PACRG: variants seen among roughly 807,000 people sequenced by gnomAD.
PACRG encodes parkin coregulated gene protein.
PACRG carries 29 observed loss-of-function variants against 29.7 expected under a neutral mutation model. That is an observed-to-expected ratio of 0.98 (90% CI 0.73 to 1.33). The LOEUF (loss-of-function observed/expected upper bound fraction) is 1.33, where lower values mean the gene tolerates loss of function less well. Among genes scored for constraint, PACRG ranks in the 40% most tolerant of loss-of-function variants. PACRG has a pLI of 0.00. For missense variants in PACRG, 279 were observed against 316.2 expected, an observed-to-expected ratio of 0.88 and a Z score of 0.89; for synonymous variants, 116 against 118.7, an observed-to-expected ratio of 0.98 and a Z score of 0.15.
chr6:162,942,023 T>G (rs1798667118), intron 2 of PACRG, among the ~76,000 whole-genome samples: 1 of 152,212 alleles, frequency 6.6e-6, no homozygotes, highest in Admixed American at 6.5e-5. Context: ...TGTCAAGCAC[T>G]TGAGCTATTC....
At chr6:162,887,815 TG>T (rs151043766) in intron 2 of PACRG, among the ~76,000 whole-genome samples, 24,364 of 152,178 alleles carry the variant, frequency 0.16, 2,080 homozygotes, top group Middle Eastern at 0.2. Flanking sequence ...GACCGGTCTT[TG>T]GTCTTCATGA....
chr6:163,155,230 C>A (rs1382383906), intron 4 of PACRG, among the ~76,000 whole-genome samples: 1 of 152,154 alleles, frequency 6.6e-6, no homozygotes, highest in Non-Finnish European at 1.5e-5. Context: ...TCCAAAGATA[C>A]GTATGCTTCC....
chr6:162,947,289 CATATAATCATATAATAT>C (rs1325147494), intron 2 of PACRG, among the ~76,000 whole-genome samples: 2 of 12,794 alleles, frequency 1.6e-4, no homozygotes, highest in African/African-American at 4.5e-4. Flanking sequence ...TATAATCATA[CATATAATCATATAATAT>C]ATATAATCAT....
chr6:162,830,285 G>A (rs1788639588), intron 2 of PACRG, among the ~76,000 whole-genome samples: 1 of 152,118 alleles, frequency 6.6e-6, no homozygotes, highest in South Asian at 2.1e-4. Flanking sequence ...GTCACTGGCA[G>A]GTTAGAAGCC....
At chr6:162,831,582 G>T (rs906598039) in intron 2 of PACRG, among the ~76,000 whole-genome samples, 1 of 152,068 alleles carries the variant, frequency 6.6e-6, no homozygotes, top group African/African-American at 2.4e-5. Flanking sequence ...GTGGTTTGCG[G>T]CACCTATCAA....
intron 1 of PACRG, among the ~76,000 whole-genome samples, chr6:162,772,529 T>A (rs1468223421): frequency 5.3e-5 from 8 of 152,112 alleles, no homozygotes; most frequent in Non-Finnish European, 1.0e-4. Flanking sequence ...AAAAGGAGGT[T>A]AGAACACATT....
intron 4 of PACRG, among the ~76,000 whole-genome samples, chr6:163,173,821 C>A (rs1405584235): frequency 6.6e-6 from 1 of 152,194 alleles, no homozygotes; most frequent in Admixed American, 6.5e-5. Context: ...CTAGTTAAAA[C>A]CTTGGGGTTA....
intron 2 of PACRG, among the ~76,000 whole-genome samples, chr6:162,998,141 G>A (rs11964829): frequency 0.03 from 4,559 of 152,306 alleles, 252 homozygotes; most frequent in African/African-American, 0.1. Context: ...CATAATAGGG[G>A]CAGGCTGTCA....
intron 1 of PACRG, among the ~76,000 whole-genome samples, chr6:162,760,474 G>A (rs1782262027): frequency 2.0e-5 from 3 of 152,168 alleles, no homozygotes; most frequent in African/African-American, 7.2e-5. Flanking sequence ...AAGGGGGACA[G>A]TGGCAGATGA....
chr6:162,823,661 G>A (rs541859908), intron 2 of PACRG, among the ~76,000 whole-genome samples: 13 of 151,734 alleles, frequency 8.6e-5, no homozygotes, highest in East Asian at 5.8e-4. Context: ...ACAGGCGCCC[G>A]CCACCACACC....
chr6:162,799,882 T>C (rs1281931470), intron 1 of PACRG, among the ~76,000 whole-genome samples: 2 of 152,210 alleles, frequency 1.3e-5, no homozygotes, highest in East Asian at 1.9e-4. Context: ...ACACAGAAGA[T>C]ATATGTTTAG....
chr6:163,181,264 A>G (rs532558824), intron 4 of PACRG, among the ~76,000 whole-genome samples: 1 of 152,300 alleles, frequency 6.6e-6, no homozygotes, highest in South Asian at 2.1e-4. Context: ...GGGTTAAAGA[A>G]TACGTGATGC....
chr6:162,912,048 G>T (rs987593603), intron 2 of PACRG, among the ~76,000 whole-genome samples: 1 of 152,190 alleles, frequency 6.6e-6, no homozygotes, highest in African/African-American at 2.4e-5. Flanking sequence ...GGGTCCATTG[G>T]TGTTGACCAT....
chr6:162,954,572 G>C (rs562099122), intron 2 of PACRG, among the ~76,000 whole-genome samples: 2 of 152,004 alleles, frequency 1.3e-5, no homozygotes, highest in Admixed American at 6.6e-5. Context: ...CTGGTGTCCA[G>C]AGCTGCAATT....
intron 2 of PACRG, among the ~76,000 whole-genome samples, chr6:162,933,792 T>A (rs1282027168): frequency 6.6e-6 from 1 of 152,034 alleles, no homozygotes; most frequent in Non-Finnish European, 1.5e-5. Context: ...TAGTTCATGG[T>A]TCTACTAGAA....
chr6:163,109,627 A>G (rs1815596344), intron 4 of PACRG, among the ~76,000 whole-genome samples: 1 of 152,224 alleles, frequency 6.6e-6, no homozygotes, highest in African/African-American at 2.4e-5. Flanking sequence ...AGAAAAATCA[A>G]CTTCCTAAGC....
At chr6:163,089,443 C>T (rs1389831258) in intron 4 of PACRG, 35 bp downstream of exon 4, 1 of 1,600,432 alleles carries the variant, frequency 6.2e-7, no homozygotes, top group East Asian at 2.2e-5. Flanking sequence ...GTCTTTTAAG[C>T]CAAAGAAAAA....
At chr6:162,836,397 G>C (rs1789225708) in intron 2 of PACRG, among the ~76,000 whole-genome samples, 1 of 152,062 alleles carries the variant, frequency 6.6e-6, no homozygotes, top group Non-Finnish European at 1.5e-5. Context: ...ATCCATAACT[G>C]TTGCTTGGCG....
intron 1 of PACRG, among the ~76,000 whole-genome samples, chr6:162,767,312 A>G (rs1749728953): frequency 6.6e-6 from 1 of 151,872 alleles, no homozygotes; most frequent in African/African-American, 2.4e-5. Context: ...CAGTTGTTAT[A>G]TATTTTTATT....
Sources: allele counts gnomAD v4.1 joint callset (sites outside exome capture counted in the v4.1 genomes callset), GRCh38; gene constraint gnomAD v4.1.1; transcripts MANE v1.5; gene names NCBI Gene and HGNC (gene_info 2026-07-23, HGNC 2026-07-21).